Variants in SMYD3 observed in about 807,000 individuals in gnomAD.
The protein encoded by SMYD3 is SET and MYND domain containing 3.
SMYD3 carries 36 observed loss-of-function variants against 57.7 expected under a neutral mutation model. That is an observed-to-expected ratio of 0.62 (90% CI 0.48 to 0.82). The LOEUF (loss-of-function observed/expected upper bound fraction) is 0.82, where lower values mean the gene tolerates loss of function less well. SMYD3 is among the 40% of genes least tolerant of loss of function. The probability of loss-of-function intolerance (pLI) is 0.00; values close to 1 mark genes in which losing one functional copy is unlikely to be tolerated. For missense variants in SMYD3, 515 were observed against 538.8 expected (o/e 0.96, Z 0.44); for synonymous variants, 211 against 195.0 (o/e 1.08, Z -0.68).
At position 246,157,810 on chromosome 1, in the gene SMYD3, T is replaced by G. The variant is rs180679925; in HGVS notation, c.531+169391A>C. 5.3e-5 allele frequency among the ~76,000 whole-genome samples: 8 copies of G among 152,352 alleles called. No individual in the cohort carries two copies. The East Asian group carries it at 1.5e-3, about 29-fold the overall frequency. ...ATTATGGGGCTTCCAAATTTTCAAG[T>G]GCCACAGAATCGCAAGCTTCTGATC... is the stretch of plus-strand genomic sequence containing the variant. On this transcript the variant is annotated intron_variant, in intron 5 of 11. Transcript: ENST00000490107.
At chr1:245,753,724 A>G (rs947760492) in intron 11 of SMYD3, among the ~76,000 whole-genome samples, 1 of 152,230 alleles carries the variant, frequency 6.6e-6, no homozygotes, top group Non-Finnish European at 1.5e-5. Context: ...GCTTCCCCTC[A>G]CATTACCATC....
At chr1:246,384,407 TTTTTTTGAGACAGAG>T (rs2066436645) in intron 1 of SMYD3, among the ~76,000 whole-genome samples, 1 of 152,134 alleles carries the variant, frequency 6.6e-6, no homozygotes, top group Admixed American at 6.5e-5. Flanking sequence ...CAGAATTTTT[TTTTTTTGAGACAGAG>T]TCTCACTCTG....
intron 1 of SMYD3, among the ~76,000 whole-genome samples, chr1:246,441,783 T>C (rs2067475241): frequency 6.6e-6 from 1 of 152,186 alleles, no homozygotes; most frequent in South Asian, 2.1e-4. Flanking sequence ...AGCTAATTTT[T>C]ATGTTTTTAG....
chr1:245,807,516 G>C (rs1034521847), intron 10 of SMYD3, among the ~76,000 whole-genome samples: 3 of 152,196 alleles, frequency 2.0e-5, no homozygotes, highest in African/African-American at 7.2e-5. Flanking sequence ...TGCTACTTGA[G>C]GGAAGCAGGC....
chr1:246,041,791 A>G (rs1037660055), intron 5 of SMYD3, among the ~76,000 whole-genome samples: 1 of 152,006 alleles, frequency 6.6e-6, no homozygotes, highest in Non-Finnish European at 1.5e-5. Context: ...ACCTAGCTCA[A>G]TCTAGATGGT....
intron 5 of SMYD3, among the ~76,000 whole-genome samples, chr1:246,154,440 C>T (rs2061990190): frequency 6.6e-6 from 1 of 152,216 alleles, no homozygotes; most frequent in Non-Finnish European, 1.5e-5. Flanking sequence ...CCGCTCACGG[C>T]ACAGAAGGAT....
chr1:246,053,994 A>G (rs971390170), intron 5 of SMYD3, among the ~76,000 whole-genome samples: 2 of 152,228 alleles, frequency 1.3e-5, no homozygotes, highest in African/African-American at 4.8e-5. Context: ...AAGACAAGTC[A>G]CAAGTAAGGA....
At chr1:246,400,545 T>C (rs1026361449) in intron 1 of SMYD3, among the ~76,000 whole-genome samples, 1 of 152,162 alleles carries the variant, frequency 6.6e-6, no homozygotes, top group African/African-American at 2.4e-5. Context: ...TCCAAAACCA[T>C]TTTTTTAAAA....
chr1:245,834,701 C>T (rs768878701), intron 10 of SMYD3, among the ~76,000 whole-genome samples: 1 of 152,152 alleles, frequency 6.6e-6, no homozygotes, highest in African/African-American at 2.4e-5. Context: ...CACGGCAACA[C>T]AGGGAGTAAT....
At chr1:246,282,307 A>C (rs2064463024) in intron 5 of SMYD3, among the ~76,000 whole-genome samples, 3 of 21,986 alleles carry the variant, frequency 1.4e-4, no homozygotes, top group Admixed American at 3.5e-4. Flanking sequence ...CATCTCTACA[A>C]AAAAAAAAAA....
At chr1:245,799,778 C>T (rs1044383213) in intron 10 of SMYD3, among the ~76,000 whole-genome samples, 9 of 149,262 alleles carry the variant, frequency 6.0e-5, no homozygotes, top group African/African-American at 2.0e-4. Flanking sequence ...CTCCCGACCT[C>T]GGCACACCTG....
intron 5 of SMYD3, among the ~76,000 whole-genome samples, chr1:246,006,008 G>A (rs779186563): frequency 2.9e-5 from 4 of 138,928 alleles, no homozygotes; most frequent in Non-Finnish European, 4.9e-5. Context: ...TATATACTCC[G>A]AAGACAGCTA....
chr1:245,962,082 T>C (rs1356489539), intron 5 of SMYD3, among the ~76,000 whole-genome samples: 1 of 152,062 alleles, frequency 6.6e-6, no homozygotes, highest in East Asian at 1.9e-4. Flanking sequence ...TGACACAGCC[T>C]CCCACGTGAG....
chr1:246,171,710 C>T (rs2062337310), intron 5 of SMYD3, among the ~76,000 whole-genome samples: 1 of 152,094 alleles, frequency 6.6e-6, no homozygotes, highest in Admixed American at 6.6e-5. Flanking sequence ...AGAAGAGGTA[C>T]AATAAAAATA....
intron 5 of SMYD3, among the ~76,000 whole-genome samples, chr1:246,235,727 G>A (rs923493352): frequency 2.0e-5 from 3 of 152,120 alleles, no homozygotes; most frequent in Non-Finnish European, 4.4e-5. Flanking sequence ...CCTCTAGGAA[G>A]GGGAGGGCTG....
intron 5 of SMYD3, among the ~76,000 whole-genome samples, chr1:246,118,606 A>C (rs1290663837): frequency 1.3e-5 from 2 of 152,202 alleles, no homozygotes; most frequent in African/African-American, 4.8e-5. Context: ...TACCCTTTCC[A>C]ACAAATCCTC....
At chr1:245,759,019 G>A (rs2045725257) in intron 11 of SMYD3, among the ~76,000 whole-genome samples, 1 of 152,214 alleles carries the variant, frequency 6.6e-6, no homozygotes, top group South Asian at 2.1e-4. Context: ...GGGAGTACAA[G>A]TTCAGGTTCC....
chr1:246,398,927 C>T (rs1351053858), intron 1 of SMYD3, among the ~76,000 whole-genome samples: 1 of 152,104 alleles, frequency 6.6e-6, no homozygotes, highest in Non-Finnish European at 1.5e-5. Flanking sequence ...GATTGCCCAG[C>T]GTAATTAGTC....
intron 1 of SMYD3, among the ~76,000 whole-genome samples, chr1:246,416,191 C>A (rs1039206593): frequency 6.6e-6 from 1 of 152,136 alleles, no homozygotes; most frequent in Admixed American, 6.5e-5. Context: ...TAATAATAAA[C>A]AATCCTTAAG....
Sources: allele counts gnomAD v4.1 joint callset (sites outside exome capture counted in the v4.1 genomes callset), GRCh38; gene constraint gnomAD v4.1.1; transcripts MANE v1.5; gene names NCBI Gene and HGNC (gene_info 2026-07-23, HGNC 2026-07-21).